PTPRD: variants seen among roughly 807,000 people sequenced by gnomAD.
The protein encoded by PTPRD is protein tyrosine phosphatase receptor type D, also known as receptor-type tyrosine-protein phosphatase delta.
A neutral mutation model predicts 214.5 loss-of-function variants in PTPRD; 34 were observed. The observed-to-expected ratio is 0.16, with a 90% confidence interval of 0.12 to 0.21. The LOEUF (loss-of-function observed/expected upper bound fraction) is 0.21, where lower values mean the gene tolerates loss of function less well. Ranked by LOEUF, PTPRD falls within the 10% of genes least tolerant of loss-of-function variation. The pLI is 1.00. For synonymous variants in PTPRD, 1,128 were observed against 845.7 expected, an observed-to-expected ratio of 1.33 and a Z score of -5.79; for missense variants, 2,545 against 2,398.7, an observed-to-expected ratio of 1.06 and a Z score of -1.27.
At chr9:8,976,426 G>C (rs1417241312) in intron 11 of PTPRD, among the ~76,000 whole-genome samples, 3 of 151,968 alleles carry the variant, frequency 2.0e-5, no homozygotes, top group African/African-American at 7.2e-5. Flanking sequence ...AAGTTAATAA[G>C]CAAAAGGATT....
At chr9:9,599,180 G>A (rs938342340) in intron 7 of PTPRD, among the ~76,000 whole-genome samples, 1 of 151,972 alleles carries the variant, frequency 6.6e-6, no homozygotes, top group Admixed American at 6.6e-5. Context: ...CATTATATGA[G>A]TGCTTTACAT....
intron 5 of PTPRD, among the ~76,000 whole-genome samples, chr9:9,822,864 G>A (rs1178255954): frequency 6.6e-6 from 1 of 152,080 alleles, no homozygotes; most frequent in African/African-American, 2.4e-5. Flanking sequence ...TACACTGTTG[G>A]TGGGAATGTA....
chr9:8,970,917 A>AAACAAAACAAAACAACAAC (rs1555626172), intron 11 of PTPRD, among the ~76,000 whole-genome samples: 1 of 149,576 alleles, frequency 6.7e-6, no homozygotes, highest in African/African-American at 2.5e-5. Context: ...AAACAAAACA[A>AAACAAAACAAAACAACAAC]AACAACAACA....
intron 22 of PTPRD, among the ~76,000 whole-genome samples, chr9:8,506,906 C>T (rs2097552911): frequency 6.6e-6 from 1 of 152,134 alleles, no homozygotes; most frequent in African/African-American, 2.4e-5. Context: ...CTTTCATTAA[C>T]ATATAGAGCT....
chr9:9,695,051 G>C (rs537388470), intron 7 of PTPRD, among the ~76,000 whole-genome samples: 2 of 152,208 alleles, frequency 1.3e-5, no homozygotes, highest in South Asian at 4.1e-4. Flanking sequence ...TGTAGCCACC[G>C]TAGCTGAGAG....
At position 9,280,727 on chromosome 9, in the gene PTPRD, A is replaced by G. The variant is rs1293720485; in HGVS notation, c.-202-97364T>C. ...TCCTAACTTGATTTATAGACTTAAT[A>G]CAATCCTAATAAAAATCTCAATAAC... On this transcript the variant is annotated intron_variant, in intron 9 of 45. Transcript: ENST00000381196. Among the ~76,000 whole-genome samples, 3 of 151,358 alleles carry G rather than the reference A, an allele frequency of 2.0e-5. No homozygotes were observed. The East Asian group carries it at 5.9e-4, about 30-fold the overall frequency.
chr9:9,203,312 G>T (rs1260681955), intron 9 of PTPRD, among the ~76,000 whole-genome samples: 1 of 152,040 alleles, frequency 6.6e-6, no homozygotes, highest in African/African-American at 2.4e-5. Context: ...AAGCCTAGGT[G>T]ATGGAGTCAG....
At chr9:8,859,202 A>G (rs935888255) in intron 11 of PTPRD, among the ~76,000 whole-genome samples, 3 of 152,298 alleles carry the variant, frequency 2.0e-5, no homozygotes, top group African/African-American at 2.4e-5. Flanking sequence ...CTTTCATGCC[A>G]CTTGCTTTTA....
intron 3 of PTPRD, among the ~76,000 whole-genome samples, chr9:10,277,038 G>C (rs533677696): frequency 1.5e-4 from 23 of 152,278 alleles, no homozygotes; most frequent in African/African-American, 5.5e-4. Flanking sequence ...GAGAAAGGAA[G>C]TAGCAGAGGG....
intron 3 of PTPRD, among the ~76,000 whole-genome samples, chr9:10,312,249 A>C (rs543726751): frequency 6.6e-6 from 1 of 152,154 alleles, no homozygotes; most frequent in East Asian, 1.9e-4. Context: ...AAGGTAAAGT[A>C]AATTATTTCT....
rs371833509 is a variant in PTPRD, at chr9:10,393,608, T to C, written c.-599-52591A>G. Among the ~76,000 whole-genome samples, 5 of 150,172 alleles carry C rather than the reference T, an allele frequency of 3.3e-5. No homozygotes were observed. The East Asian group carries it at 9.9e-4, about 30-fold the overall frequency. On this transcript the variant is annotated intron_variant, in intron 2 of 45. Coordinates refer to ENST00000381196, the MANE Select transcript of PTPRD (RefSeq NM_002839.4). ...GAGTTCAAGGCTAGTCTGGGCAATATAGCAAGACCCAGTACTTATTCTGCA... is the reference window on the plus strand; with the variant it reads ...GAGTTCAAGGCTAGTCTGGGCAATACAGCAAGACCCAGTACTTATTCTGCA...
chr9:8,320,110 T>A (rs1407420148), intron 44 of PTPRD, 144 bp from the exon 45 acceptor site: 3 of 999,176 alleles, frequency 3.0e-6, no homozygotes, highest in Non-Finnish European at 1.4e-6. Flanking sequence ...ATCACATTCA[T>A]CAAATGATTA....
chr9:9,447,607 C>A (rs2090873934), intron 8 of PTPRD, among the ~76,000 whole-genome samples: 1 of 151,982 alleles, frequency 6.6e-6, no homozygotes, highest in African/African-American at 2.4e-5. Context: ...ATCTATGCAA[C>A]AAGCCCCAAT....
At chr9:8,508,018 A>T (rs140321276) in intron 21 of PTPRD, among the ~76,000 whole-genome samples, 112 of 152,262 alleles carry the variant, frequency 7.4e-4, no homozygotes, top group African/African-American at 2.5e-3. Context: ...ACAAAACTCT[A>T]TCACTTACAA....
At chr9:8,798,729 G>T (rs2154516251) in intron 11 of PTPRD, among the ~76,000 whole-genome samples, 1 of 152,260 alleles carries the variant, frequency 6.6e-6, no homozygotes, top group South Asian at 2.1e-4. Flanking sequence ...AAATTTACAG[G>T]TAGTTAAATG....
At chr9:8,388,726 G>A (rs192712905) in intron 37 of PTPRD, among the ~76,000 whole-genome samples, 22 of 152,222 alleles carry the variant, frequency 1.4e-4, no homozygotes, top group Admixed American at 3.9e-4. Context: ...TTTCTCAGCC[G>A]TGTATTCAGC....
chr9:8,921,055 CCG>C (rs1266075955), intron 11 of PTPRD, among the ~76,000 whole-genome samples: 7 of 152,160 alleles, frequency 4.6e-5, no homozygotes, highest in Admixed American at 4.6e-4. Context: ...CTCTGGCAAT[CCG>C]CGCGCCTCGG....
intron 44 of PTPRD, among the ~76,000 whole-genome samples, chr9:8,322,462 G>T (rs188750480): frequency 2.6e-5 from 4 of 152,254 alleles, no homozygotes; most frequent in East Asian, 1.9e-4. Flanking sequence ...AGTTTTAAAG[G>T]CCTGCATAGA....
At chr9:9,019,169 A>G (rs998187474) in intron 10 of PTPRD, among the ~76,000 whole-genome samples, 4 of 152,062 alleles carry the variant, frequency 2.6e-5, no homozygotes, top group African/African-American at 9.7e-5. Context: ...CTTGGTAAAC[A>G]TACAGAAAGC....
Sources: gnomAD v4.1 joint callset for allele counts (sites outside exome capture counted in the v4.1 genomes callset) on GRCh38, gnomAD v4.1.1 for gene constraint, MANE v1.5 for transcripts, NCBI Gene and HGNC (gene_info 2026-07-23, HGNC 2026-07-21) for gene names.